The following HCN4 variants were observed in gnomAD, a reference collection of about 807,000 sequenced individuals.
HCN4 encodes the protein potassium/sodium hyperpolarization-activated cyclic nucleotide-gated channel 4.
A neutral mutation model predicts 76.9 loss-of-function variants in HCN4; 29 were observed. The ratio of observed to expected loss-of-function variants is 0.38; its 90% CI spans 0.28 to 0.51. HCN4 has a LOEUF of 0.51. HCN4 is among the 20% of genes least tolerant of loss of function. The pLI, the probability that HCN4 is intolerant of heterozygous loss-of-function variation, is 0.90. For synonymous variants in HCN4, 772 were observed against 762.5 expected, an observed-to-expected ratio of 1.01 and a Z score of -0.21; for missense variants, 1,416 against 1,715.2, an observed-to-expected ratio of 0.83 and a Z score of 3.08.
At position 73,368,304 on chromosome 15, in the gene HCN4, G is replaced by A. The variant is rs547829940; in HGVS notation, c.-34C>T. On this transcript the variant is annotated 5_prime_UTR_variant, in exon 1 of 8. Transcript: ENST00000261917. The surrounding 1 kb of genome is among the most constrained non-coding windows in gnomAD (Gnocchi z 6.9). ...GGGCCGGGGTCGGACCGGGCCGGGG[G>A]CAGGAGCGCGGCGCCGCGGACGGGC... 905 of 1,424,990 alleles carry A rather than the reference G, an allele frequency of 6.4e-4. 7 individuals carry two copies. The African/African-American group carries it at 0.011, about 18-fold the overall frequency. 88.3% of individuals were successfully genotyped at this position (1,424,990 alleles called of 1,614,324 possible).
chr15:73,325,003 T>G lies in HCN4; in HGVS notation c.1930A>C (p.Thr644Pro). 1 of 1,614,176 alleles carries G rather than the reference T, an allele frequency of 6.2e-7. No homozygotes were observed. Among genetic ancestry groups the G allele is most frequent in the Non-Finnish European group, 8.5e-7 (1 of 1,180,036 alleles). ...FIQHGVVSVL[T>P]KGNKETKLAD... ...AGCTTGGTCTCCTTGTTGCCCTTGGTGAGCACGCTGACCACGCCATGCTGG... is the reference window on the plus strand; with the variant it reads ...AGCTTGGTCTCCTTGTTGCCCTTGGGGAGCACGCTGACCACGCCATGCTGG... Residue 644 changes from threonine (T) to proline (P), a missense_variant, in exon 6 of 8, where the codon ACC becomes CCC. Coordinates refer to ENST00000261917, the MANE Select transcript of HCN4 (RefSeq NM_005477.3). This position sits in a 1 kb window ranked among gnomAD's most constrained non-coding sequence, Gnocchi z 7.4.
In HCN4 at chr15:73,367,819, T is replaced by C. The variant is rs1444209986; in HGVS notation, c.452A>G (p.Glu151Gly). ...EDRTPPGLAA[E>G]PERPGASAQP... ...CGCCGAGGCGCCGGGGCGCTCGGGC[T>C]CGGCCGCCAGGCCTGGGGGCGTCCT... is the stretch of plus-strand genomic sequence containing the variant. Residue 151 changes from glutamate (E) to glycine (G), a missense_variant, in exon 1 of 8, where the codon GAG becomes GGG. By Grantham distance (98) the Glu-to-Gly change is moderately conservative. Around this residue, in one of 6 missense-constraint regions of HCN4, gnomAD observed 355 missense variants for 347.8 expected, o/e 1.02. Coordinates refer to ENST00000261917, the MANE Select transcript of HCN4 (RefSeq NM_005477.3). The surrounding 1 kb of genome is among the most constrained non-coding windows in gnomAD (Gnocchi z 7.5). 4 of 1,234,056 alleles carry C rather than the reference T, an allele frequency of 3.2e-6. No homozygotes were observed. The highest frequency in any genetic ancestry group is 4.0e-6 in the Non-Finnish European group (4 of 993,912). 76.4% of individuals were successfully genotyped at this position (1,234,056 alleles called of 1,614,324 possible).
At chr15:73,324,911 C>T (rs1263717345) in intron 6 of HCN4, 44 bp downstream of exon 6, 3 of 1,612,126 alleles carry the variant, frequency 1.9e-6, no homozygotes, top group Admixed American at 3.3e-5. Flanking sequence ...AAACCAGCCC[C>T]TGGGAGCAGC....
chr15:73,360,622 G>T (rs900630421), intron 1 of HCN4, among the ~76,000 whole-genome samples: 5 of 152,062 alleles, frequency 3.3e-5, no homozygotes, highest in African/African-American at 1.2e-4. Context: ...ATGATTTGGG[G>T]GACCTCTCTC....
chr15:73,343,691 C>A lies in HCN4; in HGVS notation c.903G>T (p.Val301=). ...NTTPWIVFNV[V]SDTFFLIDLV... is the part of the protein sequence containing the mutation. ...AGTCGATGAGGAAGAATGTGTCTGA[C>A]ACCACATTGAAGACAATCCAGGGTG... The change falls in exon 2 of 8, where the codon GTG becomes GTT. Residue 301 remains valine, a synonymous_variant. Coordinates refer to ENST00000261917, the MANE Select transcript of HCN4 (RefSeq NM_005477.3). The surrounding 1 kb of genome is among the most constrained non-coding windows in gnomAD (Gnocchi z 5.7). The A allele has an allele frequency of 6.2e-7, 1 of 1,614,146 alleles. No homozygotes were observed. The highest frequency in any genetic ancestry group is 8.5e-7 in the Non-Finnish European group (1 of 1,179,990).
chr15:73,351,125 A>G (rs1567791407), intron 1 of HCN4, among the ~76,000 whole-genome samples: 1 of 152,092 alleles, frequency 6.6e-6, no homozygotes, highest in East Asian at 1.9e-4. Flanking sequence ...ACCTGCAGAC[A>G]GTCTCCTCCT....
chr15:73,326,789 A>T (rs55943748), intron 4 of HCN4, among the ~76,000 whole-genome samples: 30,184 of 143,950 alleles, frequency 0.21, 3,906 homozygotes, highest in Non-Finnish European at 0.29. Context: ...TTATTTATTT[A>T]TTTATTTTTT....
chr15:73,325,680 C>T lies in HCN4; in HGVS notation c.1591-236G>A, dbSNP rs1014174024. 7.2e-5 allele frequency among the ~76,000 whole-genome samples: 11 copies of T among 152,178 alleles called. No homozygotes were observed. The highest frequency in any genetic ancestry group is 2.4e-4 in the African/African-American group (10 of 41,420). On this transcript the variant is annotated intron_variant, in intron 4 of 7. Transcript: ENST00000261917. The surrounding 1 kb of genome is among the most constrained non-coding windows in gnomAD (Gnocchi z 7.4). ...GGGGCCCCCACCAGCATCTGCTCCT[C>T]GCTGTGTTCAATACTAAGGAGGTGG...
intron 6 of HCN4, 23 bp from the exon 7 acceptor site, chr15:73,324,276 G>T: frequency 6.2e-7 from 1 of 1,612,906 alleles, no homozygotes; most frequent in East Asian, 2.2e-5. Flanking sequence ...CAGGACTCAG[G>T]ATGAGGCATG....
In HCN4 at chr15:73,343,370, G is replaced by A. The variant is rs763848133; in HGVS notation, c.1209+15C>T. ...GAGTGGCCTTTCCCCCAAGAGGTTT[G>A]CACTGACCACTTACCTCTTCCCACT... On this transcript the variant is annotated intron_variant, in intron 2 of 7. Transcript: ENST00000261917. The surrounding 1 kb of genome is among the most constrained non-coding windows in gnomAD (Gnocchi z 5.7). 1.2e-6 allele frequency: 2 copies of A among 1,613,366 alleles called. No homozygotes were observed. The highest frequency in any genetic ancestry group is 1.1e-5 in the South Asian group (1 of 90,936).
intron 2 of HCN4, among the ~76,000 whole-genome samples, chr15:73,337,523 G>A (rs2042974089): frequency 1.3e-5 from 2 of 152,190 alleles, no homozygotes; most frequent in South Asian, 4.1e-4. Context: ...ATCGAAGGTG[G>A]CATGTTTTCC....
In HCN4 at chr15:73,325,490, G is replaced by A. The variant is rs779795001; in HGVS notation, c.1591-46C>T. ...CGTCAGCTCCACCCCACCAGGGGGC[G>A]TCAGCAGCCAGCCCCACCACCTCGG... On this transcript the variant is annotated intron_variant, in intron 4 of 7. Coordinates refer to ENST00000261917, the MANE Select transcript of HCN4 (RefSeq NM_005477.3). This position sits in a 1 kb window ranked among gnomAD's most constrained non-coding sequence, Gnocchi z 7.4. The A allele has an allele frequency of 1.7e-5, 28 of 1,607,028 alleles. No individual in the cohort carries two copies. Among genetic ancestry groups the A allele is most frequent in the East Asian group, 1.3e-4 (6 of 44,836 alleles).
chr15:73,321,349 C>T lies in HCN4; in HGVS notation c.*1132G>A, dbSNP rs1300515289. On this transcript the variant is annotated 3_prime_UTR_variant, in exon 8 of 8. Transcript: ENST00000261917. ...CTTGGGCCTCAAGGAGGCGTGGACT[C>T]GAACCTCAAATCAGTCCCCACTCTG... 2.0e-5 allele frequency: 3 copies of T among 152,284 alleles called. No homozygotes were observed. Among genetic ancestry groups the T allele is most frequent in the Middle Eastern group, 3.4e-3 (1 of 294 alleles). 9.4% of individuals were successfully genotyped at this position (152,284 alleles called of 1,614,324 possible). A position where few individuals can be genotyped will look rare whatever the true frequency, so the allele number is the denominator to read the frequency against.
At chr15:73,335,961 G>A (rs1307250612) in intron 2 of HCN4, among the ~76,000 whole-genome samples, 1 of 152,172 alleles carries the variant, frequency 6.6e-6, no homozygotes, top group Non-Finnish European at 1.5e-5. Flanking sequence ...CTCCCTATGG[G>A]GGTCAGGGAG....
chr15:73,355,822 C>T (rs533326389), intron 1 of HCN4, among the ~76,000 whole-genome samples: 3 of 152,192 alleles, frequency 2.0e-5, no homozygotes, highest in Non-Finnish European at 4.4e-5. Flanking sequence ...CACAGTGCTC[C>T]AAGTTGCCCA....
chr15:73,356,511 C>T (rs1049523602), intron 1 of HCN4, among the ~76,000 whole-genome samples: 2 of 151,380 alleles, frequency 1.3e-5, no homozygotes, highest in East Asian at 3.9e-4. Context: ...CAGTGCCTGA[C>T]CCGGGGCAGA....
chr15:73,347,886 A>C (rs904233137), intron 1 of HCN4, among the ~76,000 whole-genome samples: 2 of 152,218 alleles, frequency 1.3e-5, no homozygotes, highest in Non-Finnish European at 2.9e-5. Context: ...GCAAGACACC[A>C]ACTGGGCTCT....
In HCN4 at chr15:73,323,786, G is replaced by T; in HGVS notation, c.2307C>A (p.Pro769=). The T allele has an allele frequency of 6.2e-7, 1 of 1,607,838 alleles. No individual in the cohort carries two copies. The change falls in exon 8 of 8, where the codon CCC becomes CCA. Residue 769 remains proline, a synonymous_variant. Coordinates refer to ENST00000261917, the MANE Select transcript of HCN4 (RefSeq NM_005477.3). ...TCAGCGGGGTCCAGATGACGGGCGT[G>T]GGGGTTGGGGTGGCAGAGGCAGCAG... The part of the protein sequence containing the change: ...VQAAASATPT[P]TPVIWTPLIQ...
At position 73,322,575 on chromosome 15, in the gene HCN4, G is replaced by A; in HGVS notation, c.3518C>T (p.Thr1173Ile). Residue 1173 changes from threonine (T) to isoleucine (I), a missense_variant, in exon 8 of 8, where the codon ACC becomes ATC. Thr to Ile is a moderately conservative substitution (Grantham distance 89, BLOSUM62 -1). Coordinates refer to ENST00000261917, the MANE Select transcript of HCN4 (RefSeq NM_005477.3). ...AGTCAGAGGGGGCCCCCCAGAAGAG[G>A]TGGCTCTTGCCCCAAACAAAGACAG... ...PPLSLFGARA[T>I]SSGGPPLTAG... 1 of 1,609,602 alleles carries A rather than the reference G, an allele frequency of 6.2e-7. No individual in the cohort carries two copies. Among genetic ancestry groups the A allele is most frequent in the Non-Finnish European group, 8.5e-7 (1 of 1,178,284 alleles).
Sources: allele counts gnomAD v4.1 joint callset (sites outside exome capture counted in the v4.1 genomes callset), GRCh38; gene constraint gnomAD v4.1.1; regional missense constraint gnomAD v4.1.1; non-coding constraint Gnocchi (gnomAD v3.1); transcripts MANE v1.5; gene names NCBI Gene and HGNC (gene_info 2026-07-23, HGNC 2026-07-21).